The following GREB1L variants were observed in gnomAD, a reference collection of about 807,000 sequenced individuals.
GREB1L encodes the protein GREB1 like retinoic acid receptor coactivator.
GREB1L carries 17 observed loss-of-function variants against 200.8 expected under a neutral mutation model. That is an observed-to-expected ratio of 0.08 (90% confidence interval 0.06 to 0.13). The LOEUF (loss-of-function observed/expected upper bound fraction) is 0.13, where lower values mean the gene tolerates loss of function less well. Among genes scored for constraint, GREB1L ranks in the 10% least tolerant of loss-of-function variants. The pLI is 1.00. For missense variants in GREB1L, 1,657 were observed against 2,367.7 expected, an observed-to-expected ratio of 0.70 and a Z score of 6.23; for synonymous variants, 789 against 893.0, an observed-to-expected ratio of 0.88 and a Z score of 2.08.
chr18:21,327,452 C>T (rs2039039629), intron 1 of GREB1L, among the ~76,000 whole-genome samples: 3 of 152,130 alleles, frequency 2.0e-5, no homozygotes, highest in Admixed American at 2.0e-4. Context: ...AGTCCCTCCT[C>T]ATCTCTCATC....
In GREB1L at chr18:21,439,620, A is replaced by G. The variant is rs1456142853; in HGVS notation, c.932A>G (p.Tyr311Cys). The G allele has an allele frequency of 8.4e-6, 13 of 1,548,732 alleles. No homozygotes were observed. In the East Asian group the frequency reaches 3.2e-4, roughly 38 times the overall value. ...TACTCTTTGTCACCACGACCTAGCT[A>G]TGCATCAGGAGATCAAGGTACAATG... ...GNYSLSPRPS[Y>C]ASGDQATMFI... is the part of the protein sequence containing the mutation. Residue 311 changes from tyrosine to cysteine, a missense_variant, in exon 8 of 33, where the codon TAT becomes TGT. Tyr to Cys is a radical substitution (Grantham distance 194). Transcript: ENST00000424526.
intron 4 of GREB1L, among the ~76,000 whole-genome samples, chr18:21,391,814 A>G (rs2040820290): frequency 6.6e-6 from 1 of 152,070 alleles, no homozygotes; most frequent in Non-Finnish European, 1.5e-5. Context: ...TTGTTTATTT[A>G]TTTATTTATT....
At chr18:21,346,905 A>G (rs2039354617) in intron 1 of GREB1L, among the ~76,000 whole-genome samples, 2 of 152,222 alleles carry the variant, frequency 1.3e-5, no homozygotes, top group Admixed American at 1.3e-4. Flanking sequence ...TCATCCTGCA[A>G]GCATCCCTCC....
chr18:21,470,075 A>G (rs2145654391), intron 15 of GREB1L, among the ~76,000 whole-genome samples: 1 of 152,198 alleles, frequency 6.6e-6, no homozygotes, highest in East Asian at 1.9e-4. Flanking sequence ...GCTTGAGGCC[A>G]GGGGTTTGAG....
chr18:21,443,843 C>T (rs1435183964), intron 10 of GREB1L, among the ~76,000 whole-genome samples: 1 of 151,822 alleles, frequency 6.6e-6, no homozygotes, highest in African/African-American at 2.4e-5. Flanking sequence ...GCTTGTAATA[C>T]TTAATACAGT....
intron 2 of GREB1L, among the ~76,000 whole-genome samples, chr18:21,370,830 C>CG (rs1360852350): frequency 5.4e-4 from 83 of 152,322 alleles, no homozygotes; most frequent in African/African-American, 1.9e-3. Context: ...TATAATTCCA[C>CG]ACTTTGAGAG....
At chr18:21,351,887 G>A (rs530754780) in intron 1 of GREB1L, among the ~76,000 whole-genome samples, 66 of 151,228 alleles carry the variant, frequency 4.4e-4, no homozygotes, top group Non-Finnish European at 7.7e-4. Flanking sequence ...TCAATCTGTC[G>A]CCCAGGCTGG....
intron 15 of GREB1L, among the ~76,000 whole-genome samples, chr18:21,471,403 GCCTCTA>G (rs1568037925): frequency 6.6e-6 from 1 of 152,072 alleles, no homozygotes; most frequent in Non-Finnish European, 1.5e-5. Flanking sequence ...TTTGTCTAAT[GCCTCTA>G]CCTGCTTCCT....
At chr18:21,407,059 G>T (rs1279242316) in intron 7 of GREB1L, among the ~76,000 whole-genome samples, 1 of 151,964 alleles carries the variant, frequency 6.6e-6, no homozygotes, top group African/African-American at 2.4e-5. Context: ...ATTTTTAGTA[G>T]AGACGGGGTT....
At chr18:21,345,033 C>G (rs2039324601) in intron 1 of GREB1L, among the ~76,000 whole-genome samples, 1 of 152,208 alleles carries the variant, frequency 6.6e-6, no homozygotes, top group African/African-American at 2.4e-5. Context: ...GCCCCTTTCT[C>G]AGCAGGCTGC....
intron 2 of GREB1L, among the ~76,000 whole-genome samples, chr18:21,368,712 G>A (rs577802904): frequency 2.2e-4 from 34 of 152,224 alleles, no homozygotes; most frequent in African/African-American, 7.9e-4. Context: ...TTGATTTGCG[G>A]TACTTTTTAG....
intron 6 of GREB1L, among the ~76,000 whole-genome samples, chr18:21,403,372 TA>T (rs1170693305): frequency 6.6e-6 from 1 of 152,206 alleles, no homozygotes; most frequent in Non-Finnish European, 1.5e-5. Context: ...TTTGAGCATT[TA>T]AAATTTTTCT....
At chr18:21,359,502 G>T (rs540006857) in intron 1 of GREB1L, among the ~76,000 whole-genome samples, 1 of 152,054 alleles carries the variant, frequency 6.6e-6, no homozygotes, top group African/African-American at 2.4e-5. Flanking sequence ...TCTTATTCAA[G>T]TTAGTATTCC....
At chr18:21,296,501 G>A (rs758376593) in intron 1 of GREB1L, among the ~76,000 whole-genome samples, 38 of 152,092 alleles carry the variant, frequency 2.5e-4, no homozygotes, top group South Asian at 6.3e-4. Context: ...TGGGTGATGG[G>A]ATCATCCATA....
chr18:21,355,010 C>G (rs867105280), intron 1 of GREB1L, among the ~76,000 whole-genome samples: 1 of 152,086 alleles, frequency 6.6e-6, no homozygotes, highest in Non-Finnish European at 1.5e-5. Context: ...GACAATTAGA[C>G]AAGTTGATAC....
intron 1 of GREB1L, among the ~76,000 whole-genome samples, chr18:21,265,922 C>A (rs1038089774): frequency 9.9e-5 from 15 of 152,100 alleles, no homozygotes. Context: ...GAGATAAGAT[C>A]TGGCTTAATT....
intron 7 of GREB1L, among the ~76,000 whole-genome samples, chr18:21,434,612 G>A (rs1373530704): frequency 6.6e-6 from 1 of 150,412 alleles, no homozygotes; most frequent in Admixed American, 6.7e-5. Context: ...GGTCTGTGGA[G>A]ACCACCTCCA....
intron 1 of GREB1L, among the ~76,000 whole-genome samples, chr18:21,320,775 A>AG (rs1245624582): frequency 6.6e-6 from 1 of 151,942 alleles, no homozygotes; most frequent in Non-Finnish European, 1.5e-5. Flanking sequence ...AAAAAAAAAA[A>AG]AGAAAAAACT....
At chr18:21,257,004 C>CAAA (rs747739158) in intron 1 of GREB1L, among the ~76,000 whole-genome samples, 18 of 61,968 alleles carry the variant, frequency 2.9e-4, no homozygotes, top group Admixed American at 8.1e-4. Context: ...GACTCCGTCT[C>CAAA]AAAAAAAAAA....
Sources: allele counts gnomAD v4.1 joint callset (sites outside exome capture counted in the v4.1 genomes callset), GRCh38; gene constraint gnomAD v4.1.1; transcripts MANE v1.5; gene names NCBI Gene and HGNC (gene_info 2026-07-23, HGNC 2026-07-21).